The following EHBP1 variants were observed in gnomAD, a reference collection of about 807,000 sequenced individuals.
EHBP1 encodes the protein EH domain-binding protein 1.
A neutral mutation model predicts 144.0 loss-of-function variants in EHBP1; 55 were observed. The observed-to-expected ratio is 0.38, with a 90% CI of 0.31 to 0.48. The LOEUF (loss-of-function observed/expected upper bound fraction) is 0.48. Ranked by LOEUF, EHBP1 falls within the 20% of genes least tolerant of loss-of-function variation. The pLI is 0.98. For missense variants in EHBP1, 1,200 were observed against 1,364.2 expected (o/e 0.88, Z 1.90); for synonymous variants, 469 against 472.7 (o/e 0.99, Z 0.10).
chr2:62,795,580 A>G (rs2043481077), intron 5 of EHBP1, among the ~76,000 whole-genome samples: 2 of 151,706 alleles, frequency 1.3e-5, no homozygotes. Context: ...AACTGGCTTT[A>G]CTCTCATGCT....
intron 14 of EHBP1, among the ~76,000 whole-genome samples, chr2:62,975,742 A>T (rs1047597532): frequency 7.9e-5 from 12 of 151,800 alleles, no homozygotes; most frequent in South Asian, 2.1e-4. Context: ...AGAAAAAAAA[A>T]TTTTTTTTAA....
At chr2:63,020,433 G>T (rs1311436875) in intron 19 of EHBP1, among the ~76,000 whole-genome samples, 1 of 150,988 alleles carries the variant, frequency 6.6e-6, no homozygotes, top group East Asian at 1.9e-4. Flanking sequence ...AACCCAGGAG[G>T]TGGAGGTTGC....
intron 10 of EHBP1, among the ~76,000 whole-genome samples, chr2:62,935,307 C>T (rs1424059083): frequency 1.0e-4 from 14 of 134,906 alleles, no homozygotes; most frequent in South Asian, 6.9e-4. Flanking sequence ...CCAGCCTGGG[C>T]GACAGAGCGA....
intron 2 of EHBP1, among the ~76,000 whole-genome samples, chr2:62,714,015 G>A (rs1038920665): frequency 2.0e-5 from 3 of 152,116 alleles, no homozygotes; most frequent in Non-Finnish European, 2.9e-5. Context: ...GTCTACACAT[G>A]ACTCAAAATA....
chr2:62,842,094 C>CT (rs555042055), intron 7 of EHBP1, among the ~76,000 whole-genome samples: 138 of 147,498 alleles, frequency 9.4e-4, no homozygotes, highest in Non-Finnish European at 1.5e-3. Flanking sequence ...CCCTCAAAGC[C>CT]TTTTTTTTTT....
intron 19 of EHBP1, among the ~76,000 whole-genome samples, chr2:63,020,234 G>A (rs2060669962): frequency 6.9e-6 from 1 of 145,458 alleles, no homozygotes; most frequent in Non-Finnish European, 1.5e-5. Flanking sequence ...TGAGTCAGGA[G>A]AATCACTTGA....
chr2:62,690,763 G>C (rs952534107), intron 1 of EHBP1, among the ~76,000 whole-genome samples: 1 of 152,044 alleles, frequency 6.6e-6, no homozygotes, highest in Non-Finnish European at 1.5e-5. Context: ...TCAAGGTCAG[G>C]AAACTGAGAC....
intron 19 of EHBP1, among the ~76,000 whole-genome samples, chr2:63,009,250 G>A (rs531409559): frequency 6.6e-6 from 1 of 151,674 alleles, no homozygotes; most frequent in African/African-American, 2.4e-5. Context: ...TTTCCAGTTG[G>A]AGACCTCTGC....
intron 2 of EHBP1, among the ~76,000 whole-genome samples, chr2:62,723,371 G>A (rs1387003440): frequency 1.3e-5 from 2 of 152,102 alleles, no homozygotes; most frequent in African/African-American, 4.8e-5. Context: ...GAGCCTATGG[G>A]TGTCATTGCA....
rs773929122 is a variant in EHBP1, at chr2:62,771,301, G to A, written c.259-38G>A. 2.2e-5 allele frequency: 33 copies of A among 1,506,002 alleles called. No homozygotes were observed. The Middle Eastern group carries it at 1.1e-3, about 49-fold the overall frequency. The allele number at this position is 1,506,002 out of a possible 1,614,324, so 93.3% of individuals were successfully genotyped here. A position where few individuals can be genotyped will look rare whatever the true frequency, so the allele number is the denominator to read the frequency against. On this transcript the variant is annotated intron_variant, in intron 4 of 22. Coordinates refer to ENST00000431489, the MANE Select transcript of EHBP1 (RefSeq NM_001142616.3). Reference sequence around the variant, plus strand: ...ATTGGGTTTATTGGACTAAAGACATGTATTTCAATTCCATTTCATATTTTG... The same window carrying A: ...ATTGGGTTTATTGGACTAAAGACATATATTTCAATTCCATTTCATATTTTG...
chr2:62,861,748 GAA>G (rs879805138), intron 8 of EHBP1, among the ~76,000 whole-genome samples: 3 of 134,876 alleles, frequency 2.2e-5, no homozygotes. Context: ...TCCAGCTCAG[GAA>G]AAAAAAAAAA....
chr2:62,819,708 G>A (rs2045744964), intron 5 of EHBP1, among the ~76,000 whole-genome samples: 1 of 151,496 alleles, frequency 6.6e-6, no homozygotes, highest in East Asian at 1.9e-4. Context: ...AGGTTGCAGT[G>A]AGCTGAGATT....
Position 62,751,739 on chromosome 2 carries a change from G to C in EHBP1, c.162+4287G>C, listed in dbSNP as rs1421705153. ...AGGGTGTATGTGTCCAGGAATTTAT[G>C]CATTTCTTCTAGATTTTCTAGTTTA... is the stretch of plus-strand genomic sequence containing the variant. On this transcript the variant is annotated intron_variant, in intron 3 of 22. Coordinates refer to ENST00000431489, the MANE Select transcript of EHBP1 (RefSeq NM_001142616.3). 2.0e-5 allele frequency among the ~76,000 whole-genome samples: 3 copies of C among 152,110 alleles called. No homozygotes were observed. In the South Asian group the frequency reaches 6.2e-4, roughly 32 times the overall value.
At chr2:63,002,824 G>A (rs2059902267) in intron 19 of EHBP1, among the ~76,000 whole-genome samples, 1 of 152,004 alleles carries the variant, frequency 6.6e-6, no homozygotes, top group Admixed American at 6.6e-5. Flanking sequence ...CTATTGCTGA[G>A]CTAGTTCATT....
In EHBP1 at chr2:63,045,230, C is replaced by G. The variant is rs959887975; in HGVS notation, c.3392+50C>G. On this transcript the variant is annotated intron_variant, in intron 22 of 22. Transcript: ENST00000431489. This position sits in a 1 kb window ranked among gnomAD's most constrained non-coding sequence, Gnocchi z 5.7. ...GAGGCTGGGCCACCTGCCGAGGGGC[C>G]GAGAAGTGTGCGGAAAGTTCAATCC... 2 of 1,512,814 alleles carry G rather than the reference C, an allele frequency of 1.3e-6. No individual in the cohort carries two copies. Among genetic ancestry groups the G allele is most frequent in the African/African-American group, 2.8e-5 (2 of 72,516 alleles). The allele number at this position is 1,512,814 out of a possible 1,614,324, so 93.7% of individuals were successfully genotyped here.
At chr2:62,928,868 C>G (rs2055753470) in intron 10 of EHBP1, among the ~76,000 whole-genome samples, 1 of 149,248 alleles carries the variant, frequency 6.7e-6, no homozygotes, top group Admixed American at 6.7e-5. Flanking sequence ...AGAAAAGGCT[C>G]ACTTTAGTAA....
intron 3 of EHBP1, among the ~76,000 whole-genome samples, chr2:62,762,042 A>G (rs560393585): frequency 2.4e-4 from 37 of 152,162 alleles, no homozygotes; most frequent in Admixed American, 2.2e-3. Flanking sequence ...GGCTCAAGCT[A>G]TCCTCCCACC....
intron 5 of EHBP1, among the ~76,000 whole-genome samples, chr2:62,775,089 C>T (rs1469618105): frequency 6.6e-6 from 1 of 151,994 alleles, no homozygotes; most frequent in Non-Finnish European, 1.5e-5. Flanking sequence ...TTATAATGAG[C>T]CACCTTATTA....
intron 6 of EHBP1, among the ~76,000 whole-genome samples, chr2:62,827,793 G>A (rs950284090): frequency 1.1e-4 from 17 of 151,706 alleles, no homozygotes; most frequent in South Asian, 2.1e-4. Flanking sequence ...TCAGCCTCCC[G>A]AGTAGCTGGG....
Sources: gnomAD v4.1 joint callset for allele counts (sites outside exome capture counted in the v4.1 genomes callset) on GRCh38, gnomAD v4.1.1 for gene constraint, Gnocchi (gnomAD v3.1) non-coding constraint, MANE v1.5 for transcripts, NCBI Gene and HGNC (gene_info 2026-07-23, HGNC 2026-07-21) for gene names.